The following ANKFN1 variants were observed in gnomAD, a reference collection of about 807,000 sequenced individuals.
The protein encoded by ANKFN1 is ankyrin repeat and fibronectin type III domain containing 1.
In ANKFN1, 74 loss-of-function variants were observed where a neutral mutation model predicts 108.7. That is an observed-to-expected ratio of 0.68 (90% CI 0.56 to 0.83). The LOEUF is 0.83. ANKFN1 is among the 40% of genes least tolerant of loss of function. The probability of loss-of-function intolerance (pLI) is 0.00; values close to 1 mark genes in which losing one functional copy is unlikely to be tolerated. For synonymous variants in ANKFN1, 547 were observed against 516.2 expected, an observed-to-expected ratio of 1.06 and a Z score of -0.81; for missense variants, 1,505 against 1,382.3, an observed-to-expected ratio of 1.09 and a Z score of -1.41.
intron 4 of ANKFN1, among the ~76,000 whole-genome samples, chr17:56,349,263 G>A (rs2046186128): frequency 6.6e-6 from 1 of 151,994 alleles, no homozygotes; most frequent in African/African-American, 2.4e-5. Context: ...GCATCAGGAA[G>A]AATAGCTAAT....
chr17:56,178,902 CTAT>C (rs1446787889), intron 1 of ANKFN1, among the ~76,000 whole-genome samples: 1 of 151,846 alleles, frequency 6.6e-6, no homozygotes, highest in Non-Finnish European at 1.5e-5. Context: ...TTGAGAAATT[CTAT>C]TATTAATATT....
Position 56,482,309 on chromosome 17 carries a change from C to T in ANKFN1, c.2092-47C>T, listed in dbSNP as rs545878620. The T allele has an allele frequency of 5.4e-6, 8 of 1,482,768 alleles. No individual in the cohort carries two copies. In the African/African-American group the frequency reaches 9.8e-5, roughly 18 times the overall value. The allele number at this position is 1,482,768 out of a possible 1,614,324, so 91.9% of individuals were successfully genotyped here. A position where few individuals can be genotyped will look rare whatever the true frequency, so the allele number is the denominator to read the frequency against. On this transcript the variant is annotated intron_variant, in intron 17 of 20. Transcript: ENST00000682825. ...CAGTTTGGTGTTGTTTATGTAAGTG[C>T]CATGTTGTAACTCTCCTATTTTTCC...
At chr17:56,195,082 A>G (rs746245929) in intron 1 of ANKFN1, among the ~76,000 whole-genome samples, 11 of 152,102 alleles carry the variant, frequency 7.2e-5, no homozygotes, top group Non-Finnish European at 1.3e-4. Context: ...CCTTTTTTGC[A>G]TTACAATGAA....
intron 10 of ANKFN1, among the ~76,000 whole-genome samples, chr17:56,448,848 T>G (rs1205750817): frequency 6.6e-6 from 1 of 152,174 alleles, no homozygotes. Context: ...CATTTTCTCT[T>G]GCCCTAAGAC....
intron 4 of ANKFN1, among the ~76,000 whole-genome samples, chr17:56,331,127 A>T (rs1438194668): frequency 6.6e-6 from 1 of 152,174 alleles, no homozygotes; most frequent in East Asian, 1.9e-4. Flanking sequence ...CATCACAGCT[A>T]GAAAAGCAAT....
At chr17:56,433,618 G>T (rs2048833017) in intron 8 of ANKFN1, among the ~76,000 whole-genome samples, 1 of 152,072 alleles carries the variant, frequency 6.6e-6, no homozygotes, top group African/African-American at 2.4e-5. Flanking sequence ...ATAAGTGGAA[G>T]CTAAAGCTAT....
At chr17:56,279,611 G>A (rs1187275948) in intron 3 of ANKFN1, among the ~76,000 whole-genome samples, 1 of 151,696 alleles carries the variant, frequency 6.6e-6, no homozygotes, top group Non-Finnish European at 1.5e-5. Flanking sequence ...TTTTCTCTTT[G>A]TTGCTTCCCT....
In ANKFN1 at chr17:56,212,718, C is replaced by T. The variant is rs537551516; in HGVS notation, c.12+39C>T. On this transcript the variant is annotated intron_variant, in intron 2 of 20. Coordinates refer to ENST00000682825, the MANE Select transcript of ANKFN1 (RefSeq NM_001370326.1). ...CAGTCCTCCTTGAGCCTATGCAACTCCATACAAAAGAAAAAGGAACCCAAG... is the reference window on the plus strand; with the variant it reads ...CAGTCCTCCTTGAGCCTATGCAACTTCATACAAAAGAAAAAGGAACCCAAG... Among the ~76,000 whole-genome samples the T allele has an allele frequency of 2.1e-3, 325 of 152,242 alleles. 3 individuals are homozygous for T. The highest frequency in any genetic ancestry group is 6.6e-3 in the South Asian group (32 of 4,818).
intron 3 of ANKFN1, among the ~76,000 whole-genome samples, chr17:56,266,462 G>A (rs2043654011): frequency 6.6e-6 from 1 of 152,076 alleles, no homozygotes; most frequent in Non-Finnish European, 1.5e-5. Context: ...AATTAACTAA[G>A]GTGATAACCT....
At chr17:56,386,257 T>A (rs2047264277) in intron 8 of ANKFN1, among the ~76,000 whole-genome samples, 1 of 148,548 alleles carries the variant, frequency 6.7e-6, no homozygotes, top group East Asian at 2.0e-4. Context: ...CACTCATAGG[T>A]GGGAATTGAA....
chr17:56,455,111 C>G (rs2049639506), intron 11 of ANKFN1, among the ~76,000 whole-genome samples: 1 of 152,188 alleles, frequency 6.6e-6, no homozygotes, highest in African/African-American at 2.4e-5. Context: ...ACTTTCTCCA[C>G]TGCTGTCTTT....
chr17:56,189,206 T>A (rs1451227512), intron 1 of ANKFN1, among the ~76,000 whole-genome samples: 1 of 121,766 alleles, frequency 8.2e-6, no homozygotes, highest in Non-Finnish European at 1.6e-5. Flanking sequence ...AGTCTCGCTC[T>A]GTCGCCCAGG....
chr17:56,342,984 A>C (rs759443759), intron 4 of ANKFN1, among the ~76,000 whole-genome samples: 1 of 152,026 alleles, frequency 6.6e-6, no homozygotes, highest in Non-Finnish European at 1.5e-5. Context: ...TGTTGGTTGC[A>C]TATATATTAA....
At chr17:56,148,414 T>C (rs1416320713) in intron 4 of ANKFN1, among the ~76,000 whole-genome samples, 1 of 152,204 alleles carries the variant, frequency 6.6e-6, no homozygotes, top group Admixed American at 6.5e-5. Context: ...AGCTAGGACA[T>C]AGAGACAGGA....
intron 18 of ANKFN1, among the ~76,000 whole-genome samples, chr17:56,488,354 T>C (rs1037353578): frequency 5.9e-5 from 9 of 152,084 alleles, no homozygotes; most frequent in African/African-American, 1.7e-4. Context: ...TTGGATGTGG[T>C]TGAAGAGCAA....
intron 3 of ANKFN1, among the ~76,000 whole-genome samples, chr17:56,293,797 G>C (rs1374104918): frequency 6.6e-6 from 1 of 152,206 alleles, no homozygotes. Flanking sequence ...CTAAGTATTA[G>C]GCCATTTGTT....
At chr17:56,434,239 G>A (rs12942271) in intron 8 of ANKFN1, among the ~76,000 whole-genome samples, 4,502 of 152,250 alleles carry the variant, frequency 0.03, 92 homozygotes, top group Non-Finnish European at 0.046. Context: ...AACTAGGAGA[G>A]TACACGATAT....
chr17:56,428,389 T>G (rs2048644409), intron 8 of ANKFN1, among the ~76,000 whole-genome samples: 2 of 151,992 alleles, frequency 1.3e-5, no homozygotes, highest in South Asian at 4.1e-4. Flanking sequence ...TTTTTACTGT[T>G]CACCTTTTGT....
At chr17:56,485,502 G>A (rs1049361388) in intron 18 of ANKFN1, among the ~76,000 whole-genome samples, 3 of 152,186 alleles carry the variant, frequency 2.0e-5, no homozygotes, top group Non-Finnish European at 4.4e-5. Context: ...AGTCATGGGA[G>A]CTAGACCATG....
Sources: allele counts gnomAD v4.1 joint callset (sites outside exome capture counted in the v4.1 genomes callset), GRCh38; gene constraint gnomAD v4.1.1; transcripts MANE v1.5; gene names NCBI Gene and HGNC (gene_info 2026-07-23, HGNC 2026-07-21).